Variants in AACS observed in about 807,000 individuals in gnomAD.
AACS encodes the protein acetoacetyl-CoA synthetase, also known as acetoacetate-CoA ligase.
In AACS, 69 loss-of-function variants were observed where a neutral mutation model predicts 83.1. The observed-to-expected ratio is 0.83, with a 90% CI of 0.68 to 1.01. The LOEUF (loss-of-function observed/expected upper bound fraction) is 1.01, where lower values mean the gene tolerates loss of function less well. Among genes scored for constraint, AACS ranks in the 50% least tolerant of loss-of-function variants. The probability of loss-of-function intolerance (pLI) is 0.00; values close to 1 mark genes in which losing one functional copy is unlikely to be tolerated. For missense variants in AACS, 866 were observed against 882.2 expected, an observed-to-expected ratio of 0.98 and a Z score of 0.23; for synonymous variants, 333 against 343.4, an observed-to-expected ratio of 0.97 and a Z score of 0.33.
chr12:125,065,438 C>G lies in AACS; in HGVS notation c.-147C>G. ...CAGGAGGCGGCGGCGGCCGTTCAGT[C>G]CCTTGTTCCCCGCCGCCGCCGTCGC... is the stretch of plus-strand genomic sequence containing the variant. On this transcript the variant is annotated 5_prime_UTR_variant, in exon 1 of 18. Coordinates refer to ENST00000316519, the MANE Select transcript of AACS (RefSeq NM_023928.5). 2.3e-6 allele frequency: 2 copies of G among 853,496 alleles called. No homozygotes were observed. Among genetic ancestry groups the G allele is most frequent in the South Asian group, 2.9e-5 (1 of 33,924 alleles). The allele number at this position is 853,496 out of a possible 1,614,324, so 52.9% of individuals were successfully genotyped here. A position where few individuals can be genotyped will look rare whatever the true frequency, so the allele number is the denominator to read the frequency against.
At chr12:125,093,884 G>A (rs1030507755) in intron 5 of AACS, among the ~76,000 whole-genome samples, 2 of 152,230 alleles carry the variant, frequency 1.3e-5, no homozygotes, top group African/African-American at 2.4e-5. Context: ...GTCGGCATTT[G>A]GTGGCTTCGT....
chr12:125,129,441 G>T lies in AACS; in HGVS notation c.1530G>T (p.Ala510=). 6.2e-7 allele frequency: 1 copy of T among 1,613,746 alleles called. No homozygotes were observed. The highest frequency in any genetic ancestry group is 8.5e-7 in the Non-Finnish European group (1 of 1,179,852). ...AGAACGGCAACAAGTACAGGAAGGCGTATTTCTCCAAATTCCCAGGTCGGT... is the reference window on the plus strand; with the variant it reads ...AGAACGGCAACAAGTACAGGAAGGCTTATTTCTCCAAATTCCCAGGTCGGT... ...NDENGNKYRK[A]YFSKFPGIWA... is the part of the protein sequence containing the mutation. The change falls in exon 14 of 18, where the codon GCG becomes GCT. Residue 510 remains alanine, a synonymous_variant. Transcript: ENST00000316519. The surrounding 1 kb of genome is among the most constrained non-coding windows in gnomAD (Gnocchi z 4.3).
At chr12:125,083,976 G>C (rs551946553) in intron 3 of AACS, among the ~76,000 whole-genome samples, 1 of 152,178 alleles carries the variant, frequency 6.6e-6, no homozygotes, top group East Asian at 1.9e-4. Flanking sequence ...ATTGATGCAT[G>C]CAATAACTTA....
At chr12:125,089,109 C>T (rs546473792) in intron 4 of AACS, among the ~76,000 whole-genome samples, 1 of 152,186 alleles carries the variant, frequency 6.6e-6, no homozygotes. Context: ...CCCTGGGCAC[C>T]GAGTCCTGCC....
intron 4 of AACS, among the ~76,000 whole-genome samples, chr12:125,088,519 C>T (rs1956391586): frequency 6.6e-6 from 1 of 152,164 alleles, no homozygotes; most frequent in South Asian, 2.1e-4. Flanking sequence ...AGGCATGAGC[C>T]ACTGCGTCTA....
intron 1 of AACS, among the ~76,000 whole-genome samples, chr12:125,070,179 C>T (rs1391484191): frequency 6.6e-6 from 1 of 152,154 alleles, no homozygotes; most frequent in Non-Finnish European, 1.5e-5. Flanking sequence ...GTGCATTTTA[C>T]AAGCGGTTGC....
At chr12:125,114,417 C>T in intron 8 of AACS, 60 bp from the exon 9 acceptor site, 4 of 1,456,460 alleles carry the variant, frequency 2.7e-6, no homozygotes, top group Non-Finnish European at 3.8e-6. Context: ...GGCCAGGTAC[C>T]AGATTCCTGG....
rs1431845152 is a variant in AACS, at chr12:125,130,000, A to G, written c.1549+540A>G. Among the ~76,000 whole-genome samples, 1 of 152,128 alleles carries G rather than the reference A, an allele frequency of 6.6e-6. No homozygotes were observed. The highest frequency in any genetic ancestry group is 1.9e-4 in the East Asian group (1 of 5,174). ...GTCTTTTGAGTGGTGCCTTGCCCCA[A>G]AGCAGGGAAGTCTTTTATTTAAAGC... is the stretch of plus-strand genomic sequence containing the variant. On this transcript the variant is annotated intron_variant, in intron 14 of 17. Coordinates refer to ENST00000316519, the MANE Select transcript of AACS (RefSeq NM_023928.5). This position sits in a 1 kb window ranked among gnomAD's most constrained non-coding sequence, Gnocchi z 4.3.
chr12:125,132,003 G>C (rs151181973), intron 14 of AACS, among the ~76,000 whole-genome samples: 2 of 152,312 alleles, frequency 1.3e-5, no homozygotes, highest in Non-Finnish European at 2.9e-5. Flanking sequence ...GTCTGCTATC[G>C]GCAGTCACCT....
chr12:125,099,927 C>T (rs1956681454), intron 5 of AACS, among the ~76,000 whole-genome samples: 1 of 152,234 alleles, frequency 6.6e-6, no homozygotes, highest in African/African-American at 2.4e-5. Context: ...CTGCCGGCCT[C>T]AGCCTCCCAA....
chr12:125,073,251 G>A (rs1955926214), intron 1 of AACS, among the ~76,000 whole-genome samples: 1 of 152,050 alleles, frequency 6.6e-6, no homozygotes, highest in African/African-American at 2.4e-5. Context: ...TTACACTTTC[G>A]TAATTTTGAG....
chr12:125,102,532 A>G (rs1037221998), intron 5 of AACS, 147 bp from the exon 6 acceptor site: 3 of 707,602 alleles, frequency 4.2e-6, no homozygotes, highest in Admixed American at 1.9e-5. Context: ...TGGTGCAAGC[A>G]TAGCTCACTC....
rs1956546528 is a variant in AACS at position 125,093,910 on chromosome 12, G to T, written c.570+2387G>T. 2.0e-5 allele frequency among the ~76,000 whole-genome samples: 3 copies of T among 152,236 alleles called. No homozygotes were observed. The South Asian group carries it at 6.2e-4, about 31-fold the overall frequency. On this transcript the variant is annotated intron_variant, in intron 5 of 17. Transcript: ENST00000316519. ...GTGGCTTCGTGGCAGGCATTATTGG[G>T]CAGCACTCCTGGCCGTGTGCACCCA...
intron 3 of AACS, among the ~76,000 whole-genome samples, chr12:125,079,419 T>C (rs767198867): frequency 6.6e-6 from 1 of 152,132 alleles, no homozygotes; most frequent in Non-Finnish European, 1.5e-5. Context: ...TCTCACTCTA[T>C]TGCCTAGGCT....
intron 7 of AACS, among the ~76,000 whole-genome samples, chr12:125,103,476 T>C (rs992433992): frequency 2.6e-5 from 4 of 152,210 alleles, no homozygotes; most frequent in Non-Finnish European, 4.4e-5. Context: ...TCTACACGTG[T>C]ACACATGCAT....
chr12:125,102,032 T>C (rs1426898676), intron 5 of AACS: 2 of 147,220 alleles, frequency 1.4e-5, no homozygotes, highest in Admixed American at 6.8e-5. Context: ...CCCAAAGTGC[T>C]GGGATTACAG....
rs750134602 is a variant in AACS, at chr12:125,102,744, T to A, written c.636T>A (p.Tyr212Ter). 3.7e-6 allele frequency: 6 copies of A among 1,614,052 alleles called. No individual in the cohort carries two copies. The African/African-American group carries it at 6.7e-5, about 18-fold the overall frequency. The change falls in exon 6 of 18, where the codon TAT (tyrosine) becomes TAA (stop). Residue 212 changes from tyrosine to a stop codon, truncating the protein, a stop_gained. Coordinates refer to ENST00000316519, the MANE Select transcript of AACS (RefSeq NM_023928.5). LOFTEE classifies it high-confidence loss of function. ...KLIFSVEAVVYNGKEHNHMEK... is the reference protein window; with the variant it reads ...KLIFSVEAVV ...TCTTCTCTGTGGAGGCTGTTGTCTA[T>A]AATGGCAAAGAGCACAACCACATGG...
rs558434955 is a variant in AACS, at chr12:125,097,002, G to C, written c.570+5479G>C. Among the ~76,000 whole-genome samples, 3 of 152,254 alleles carry C rather than the reference G, an allele frequency of 2.0e-5. No individual in the cohort carries two copies. Among genetic ancestry groups the C allele is most frequent in the East Asian group, 3.9e-4 (2 of 5,170 alleles). ...AGGGGTGGCATTCTCAGTCCAGGAG[G>C]GTTTGGTGCCAGGAAGGGCCATTTC... On this transcript the variant is annotated intron_variant, in intron 5 of 17. Transcript: ENST00000316519. This position sits in a 1 kb window ranked among gnomAD's most constrained non-coding sequence, Gnocchi z 4.3.
chr12:125,093,049 C>T (rs751500336), intron 5 of AACS, among the ~76,000 whole-genome samples: 16 of 152,360 alleles, frequency 1.1e-4, no homozygotes, highest in African/African-American at 3.6e-4. Context: ...TGCAACTGCA[C>T]AGATGGCAGG....
Sources: gnomAD v4.1 joint callset for allele counts (sites outside exome capture counted in the v4.1 genomes callset) on GRCh38, gnomAD v4.1.1 for gene constraint, Gnocchi (gnomAD v3.1) non-coding constraint, MANE v1.5 for transcripts, NCBI Gene and HGNC (gene_info 2026-07-23, HGNC 2026-07-21) for gene names.